The following SYDE1 variants were observed in gnomAD, a reference collection of about 807,000 sequenced individuals.
The protein encoded by SYDE1 is rho GTPase-activating protein SYDE1.
Under a neutral mutation model 63.3 loss-of-function variants are expected in SYDE1, and 34 were observed. That is an observed-to-expected ratio of 0.54 (90% confidence interval 0.41 to 0.71). The LOEUF (loss-of-function observed/expected upper bound fraction) is 0.71, where lower values mean the gene tolerates loss of function less well. Ranked by LOEUF, SYDE1 falls within the 30% of genes least tolerant of loss-of-function variation. SYDE1 has a pLI of 0.00. For synonymous variants in SYDE1, 467 were observed against 473.4 expected (o/e 0.99, Z 0.18); for missense variants, 925 against 1,042.5 (o/e 0.89, Z 1.55).
rs567011629 is a variant in SYDE1 at position 15,108,518 on chromosome 19, C to T, written c.89-538C>T. On this transcript the variant is annotated intron_variant, in intron 1 of 7. Coordinates refer to ENST00000342784, the MANE Select transcript of SYDE1 (RefSeq NM_033025.6). The surrounding 1 kb of genome is among the most constrained non-coding windows in gnomAD (Gnocchi z 4.3). The stretch of plus-strand genomic sequence containing the variant: ...AAGACAGGAGGGAGGGTAAAAGGGG[C>T]AGGGGACTGGGAGTGACTGTGCTGC... Among the ~76,000 whole-genome samples the T allele has an allele frequency of 6.6e-6, 1 of 152,120 alleles. No individual in the cohort carries two copies. Among genetic ancestry groups the T allele is most frequent in the Non-Finnish European group, 1.5e-5 (1 of 68,010 alleles).
intron 7 of SYDE1, 123 bp downstream of exon 7, chr19:15,112,694 C>T (rs1386022711): frequency 2.5e-6 from 2 of 799,668 alleles, no homozygotes; most frequent in Non-Finnish European, 3.9e-6. Flanking sequence ...AAACTGGTAC[C>T]TGGTTGCCTC....
Position 15,109,825 on chromosome 19 carries a change from C to T in SYDE1, c.552C>T (p.Gly184=). 6.5e-7 allele frequency: 1 copy of T among 1,533,688 alleles called. No individual in the cohort carries two copies. The highest frequency in any genetic ancestry group is 8.7e-7 in the Non-Finnish European group (1 of 1,145,040). ...TGCGGCGCCGCCTGAGCCTGCGAGG[C>T]CCCCGGGCTGGCAGGGAGCGCGAGA... ...PELRRRLSLR[G]PRAGRERERA... is the part of the protein sequence containing the mutation. Residue 184 remains glycine (G), a synonymous_variant, in exon 3 of 8, where the codon GGC becomes GGT. Coordinates refer to ENST00000342784, the MANE Select transcript of SYDE1 (RefSeq NM_033025.6). The surrounding 1 kb of genome is among the most constrained non-coding windows in gnomAD (Gnocchi z 5.0).
rs776426236 is a variant in SYDE1, at chr19:15,111,365, G to A, written c.1343G>A (p.Arg448Gln). The A allele has an allele frequency of 1.4e-5, 23 of 1,613,956 alleles. No homozygotes were observed. The highest frequency in any genetic ancestry group is 1.9e-5 in the Non-Finnish European group (22 of 1,179,992). Residue 448 changes from arginine to glutamine, a missense_variant, in exon 5 of 8, where the codon CGG (arginine) becomes CAG (glutamine). Physicochemically the swap from Arg to Gln is conservative, Grantham distance 43. Transcript: ENST00000342784. The surrounding 1 kb of genome is among the most constrained non-coding windows in gnomAD (Gnocchi z 5.5). Reference sequence around the variant, plus strand: ...TCAGCGGCAGTGAAGAAAGAGCTTCGGGATGCCTTTGAGCGGGACAGTGCA... The same window carrying A: ...TCAGCGGCAGTGAAGAAAGAGCTTCAGGATGCCTTTGAGCGGGACAGTGCA... ...CGSAAVKKEL[R>Q]DAFERDSAAV... is the part of the protein sequence containing the mutation.
chr19:15,113,489 C>T, intron 7 of SYDE1, 71 bp from the exon 8 acceptor site: 1 of 1,484,744 alleles, frequency 6.7e-7, no homozygotes. Flanking sequence ...CAATCAGGAG[C>T]CTAGTTCCCT....
In SYDE1 at chr19:15,109,424, C is replaced by T. The variant is rs200417941; in HGVS notation, c.430+27C>T. On this transcript the variant is annotated intron_variant, in intron 2 of 7. Transcript: ENST00000342784. This position sits in a 1 kb window ranked among gnomAD's most constrained non-coding sequence, Gnocchi z 5.0. ...TAAGAACAAGCTTCCCATCCCCTTC[C>T]CCAAGGTGAGCACCAGCTCCACATC... The T allele has an allele frequency of 3.8e-5, 57 of 1,512,692 alleles. No homozygotes were observed. In the East Asian group the frequency reaches 1.3e-3, roughly 34 times the overall value. 93.7% of individuals were successfully genotyped at this position (1,512,692 alleles called of 1,614,324 possible).
Position 15,109,930 on chromosome 19 carries a change from T to A in SYDE1, c.657T>A (p.Pro219=), listed in dbSNP as rs1397402792. Reference sequence around the variant, plus strand: ...GGGGCCCCGGGCCGGCAGCAGGGCCTGGGGGCACCCGGAGCCCGAGGGCCG... The same window carrying A: ...GGGGCCCCGGGCCGGCAGCAGGGCCAGGGGGCACCCGGAGCCCGAGGGCCG... ...SVGGPGPAAG[P]GGTRSPRAGY... Residue 219 remains proline, a synonymous_variant, in exon 3 of 8, where the codon CCT becomes CCA. Transcript: ENST00000342784. The surrounding 1 kb of genome is among the most constrained non-coding windows in gnomAD (Gnocchi z 5.0). The A allele has an allele frequency of 6.8e-7, 1 of 1,460,112 alleles. No individual in the cohort carries two copies. The highest frequency in any genetic ancestry group is 9.0e-7 in the Non-Finnish European group (1 of 1,113,838). The allele number at this position is 1,460,112 out of a possible 1,614,324, so 90.4% of individuals were successfully genotyped here.
At position 15,112,482 on chromosome 19, in the gene SYDE1, G is replaced by A. The variant is rs753528731; in HGVS notation, c.1715G>A (p.Arg572His). 3.0e-5 allele frequency: 48 copies of A among 1,606,640 alleles called. No individual in the cohort carries two copies. The highest frequency in any genetic ancestry group is 3.7e-5 in the Non-Finnish European group (44 of 1,177,046). The change falls in exon 7 of 8, where the codon CGT (arginine) becomes CAT (histidine). Residue 572 changes from arginine (R) to histidine (H), a missense_variant. Physicochemically the swap from Arg to His is conservative, Grantham distance 29. Coordinates refer to ENST00000342784, the MANE Select transcript of SYDE1 (RefSeq NM_033025.6). ...LPARQAPTRP[R>H]ARSSGPGLAS... ...GCACGCCAGGCGCCCACAAGGCCTC[G>A]TGCCCGCAGCTCCGGCCCAGGCCTT...
At chr19:15,112,632 C>T in intron 7 of SYDE1, 61 bp downstream of exon 7, 2 of 1,383,664 alleles carry the variant, frequency 1.4e-6, no homozygotes, top group Non-Finnish European at 2.0e-6. Context: ...GTGATGCCAC[C>T]TTAAGGGACC....
chr19:15,112,301 G>A, intron 6 of SYDE1, 45 bp from the exon 7 acceptor site: 1 of 1,400,904 alleles, frequency 7.1e-7, no homozygotes, highest in Non-Finnish European at 9.8e-7. Context: ...AGGTGCCACA[G>A]GGGCCTGACT....
chr19:15,108,500 G>C lies in SYDE1; in HGVS notation c.89-556G>C, dbSNP rs572174465. Among the ~76,000 whole-genome samples, 1 of 152,294 alleles carries C rather than the reference G, an allele frequency of 6.6e-6. No homozygotes were observed. Among genetic ancestry groups the C allele is most frequent in the African/African-American group, 2.4e-5 (1 of 41,536 alleles). On this transcript the variant is annotated intron_variant, in intron 1 of 7. Transcript: ENST00000342784. This position sits in a 1 kb window ranked among gnomAD's most constrained non-coding sequence, Gnocchi z 4.3. ...GATGGCGACAGAGTTTGGAAGACAG[G>C]AGGGAGGGTAAAAGGGGCAGGGGAC... is the stretch of plus-strand genomic sequence containing the variant.
At position 15,111,294 on chromosome 19, in the gene SYDE1, T is replaced by C; in HGVS notation, c.1291-19T>C. On this transcript the variant is annotated intron_variant, in intron 4 of 7. Coordinates refer to ENST00000342784, the MANE Select transcript of SYDE1 (RefSeq NM_033025.6). This position sits in a 1 kb window ranked among gnomAD's most constrained non-coding sequence, Gnocchi z 5.5. ...GTGGCCCCGGCAAGAAGACATTCACTCTCTCTTCCCACCCCCAGGTAGTGG... is the reference window on the plus strand; with the variant it reads ...GTGGCCCCGGCAAGAAGACATTCACCCTCTCTTCCCACCCCCAGGTAGTGG... The C allele has an allele frequency of 6.2e-7, 1 of 1,613,554 alleles. No individual in the cohort carries two copies. The highest frequency in any genetic ancestry group is 8.5e-7 in the Non-Finnish European group (1 of 1,179,692).
intron 6 of SYDE1, among the ~76,000 whole-genome samples, 161 bp from the exon 7 acceptor site, chr19:15,112,185 C>T (rs745626946): frequency 1.3e-5 from 2 of 152,192 alleles, no homozygotes; most frequent in African/African-American, 2.4e-5. Flanking sequence ...ACAAAATAGG[C>T]TCATAATACT....
chr19:15,107,537 T>C lies in SYDE1; in HGVS notation c.88+16T>C. ...AAGGAGCGCGGTAAGCGGAGATCGG[T>C]GGGGAACAGGGGGCGCCGAGCCCCA... is the stretch of plus-strand genomic sequence containing the variant. On this transcript the variant is annotated intron_variant, in intron 1 of 7. Coordinates refer to ENST00000342784, the MANE Select transcript of SYDE1 (RefSeq NM_033025.6). The C allele has an allele frequency of 6.6e-7, 1 of 1,526,322 alleles. No individual in the cohort carries two copies. The allele number at this position is 1,526,322 out of a possible 1,614,324, so 94.5% of individuals were successfully genotyped here.
Position 15,113,764 on chromosome 19 carries a change from T to A in SYDE1, c.2009T>A (p.Leu670Gln). 6.2e-7 allele frequency: 1 copy of A among 1,614,082 alleles called. No homozygotes were observed. The highest frequency in any genetic ancestry group is 8.5e-7 in the Non-Finnish European group (1 of 1,180,004). Residue 670 changes from leucine to glutamine, a missense_variant, in exon 8 of 8, where the codon CTG (leucine) becomes CAG (glutamine). By Grantham distance (113) the Leu-to-Gln change is moderately radical. Transcript: ENST00000342784. ...RDFLPCGRDFLSGPDYDHVTG... is the reference protein window; with the variant it reads ...RDFLPCGRDFQSGPDYDHVTG... ...TTCCTGCCCTGTGGGCGGGATTTCC[T>A]GTCCGGGCCAGACTACGACCACGTG...
In SYDE1 at chr19:15,113,916, C is replaced by T. The variant is rs1305449832; in HGVS notation, c.2161C>T (p.Leu721=). 3.1e-6 allele frequency: 5 copies of T among 1,614,038 alleles called. No homozygotes were observed. In the South Asian group the frequency reaches 5.5e-5, roughly 18 times the overall value. Residue 721 remains leucine (L), a synonymous_variant, in exon 8 of 8, where the codon CTG becomes TTG. Coordinates refer to ENST00000342784, the MANE Select transcript of SYDE1 (RefSeq NM_033025.6). ...LNLKDFDALI[L]DLERELSKQI... ...TCTCAAAGACTTCGACGCCCTCATCCTGGATCTGGAGAGAGAGCTCTCCAA... is the reference window on the plus strand; with the variant it reads ...TCTCAAAGACTTCGACGCCCTCATCTTGGATCTGGAGAGAGAGCTCTCCAA...
chr19:15,111,847 A>C lies in SYDE1; in HGVS notation c.1578+55A>C. The stretch of plus-strand genomic sequence containing the variant: ...CTTGAGAGTGGGCTGATACCAATAG[A>C]ATGTTTCACCCATGCCTGGGCCTGA... On this transcript the variant is annotated intron_variant, in intron 6 of 7. Coordinates refer to ENST00000342784, the MANE Select transcript of SYDE1 (RefSeq NM_033025.6). This position sits in a 1 kb window ranked among gnomAD's most constrained non-coding sequence, Gnocchi z 5.5. 6.7e-7 allele frequency: 1 copy of C among 1,491,872 alleles called. No homozygotes were observed. The highest frequency in any genetic ancestry group is 9.0e-7 in the Non-Finnish European group (1 of 1,112,860). The allele number at this position is 1,491,872 out of a possible 1,614,324, so 92.4% of individuals were successfully genotyped here.
Position 15,114,178 on chromosome 19 carries a change from G to A in SYDE1, c.*215G>A, listed in dbSNP as rs568716490. On this transcript the variant is annotated 3_prime_UTR_variant, in exon 8 of 8. Transcript: ENST00000342784. ...CTAGTTGCCAAGTCTGGGGCCTGGG[G>A]ATTTTAGGGACCAGCGGTTGTGACC... is the stretch of plus-strand genomic sequence containing the variant. The A allele has an allele frequency of 3.6e-6, 2 of 560,624 alleles. No individual in the cohort carries two copies. Among genetic ancestry groups the A allele is most frequent in the East Asian group, 6.1e-5 (2 of 32,748 alleles). 34.7% of individuals were successfully genotyped at this position (560,624 alleles called of 1,614,324 possible).
In SYDE1 at chr19:15,111,615, G is replaced by A; in HGVS notation, c.1418-17G>A. ...AAGCCAGTGGTGCCCTGACCAGAGG[G>A]GACCCTGTGTTCACAGGCATCCTCA... On this transcript the variant is annotated splice_polypyrimidine_tract_variant and intron_variant, in intron 5 of 7. Transcript: ENST00000342784. The surrounding 1 kb of genome is among the most constrained non-coding windows in gnomAD (Gnocchi z 5.5). The A allele has an allele frequency of 6.2e-7, 1 of 1,613,502 alleles. No homozygotes were observed. The highest frequency in any genetic ancestry group is 1.1e-5 in the South Asian group (1 of 91,066).
Position 15,109,514 on chromosome 19 carries a change from C to T in SYDE1, c.430+117C>T. On this transcript the variant is annotated intron_variant, in intron 2 of 7. Coordinates refer to ENST00000342784, the MANE Select transcript of SYDE1 (RefSeq NM_033025.6). The surrounding 1 kb of genome is among the most constrained non-coding windows in gnomAD (Gnocchi z 5.0). ...CCCAGAGGAGCACCAACCTCACACT[C>T]CTTCCCTTCAGGGGAGCACCAGCCT... is the stretch of plus-strand genomic sequence containing the variant. 7.9e-7 allele frequency: 1 copy of T among 1,267,830 alleles called. No individual in the cohort carries two copies. Among genetic ancestry groups the T allele is most frequent in the Non-Finnish European group, 1.1e-6 (1 of 938,064 alleles). The allele number at this position is 1,267,830 out of a possible 1,614,324, so 78.5% of individuals were successfully genotyped here. A position where few individuals can be genotyped will look rare whatever the true frequency, so the allele number is the denominator to read the frequency against.
Sources: allele counts gnomAD v4.1 joint callset (sites outside exome capture counted in the v4.1 genomes callset), GRCh38; gene constraint gnomAD v4.1.1; non-coding constraint Gnocchi (gnomAD v3.1); transcripts MANE v1.5; gene names NCBI Gene and HGNC (gene_info 2026-07-23, HGNC 2026-07-21).